The following RER1 variants were observed in gnomAD, a reference collection of about 807,000 sequenced individuals.
RER1 encodes the protein retention in endoplasmic reticulum sorting receptor 1, also known as protein RER1.
In RER1, 6 loss-of-function variants were observed where a neutral mutation model predicts 28.3. The ratio of observed to expected loss-of-function variants is 0.21; its 90% CI spans 0.12 to 0.42. RER1 has a LOEUF of 0.42. Ranked by LOEUF, RER1 falls within the 10% of genes least tolerant of loss-of-function variation. RER1 has a pLI of 1.00. For synonymous variants in RER1, 110 were observed against 95.9 expected, an observed-to-expected ratio of 1.15 and a Z score of -0.86; for missense variants, 159 against 252.9, an observed-to-expected ratio of 0.63 and a Z score of 2.52.
intron 1 of RER1, chr1:2,394,668 A>C (rs1642741228): frequency 6.6e-6 from 1 of 152,324 alleles, no homozygotes; most frequent in Non-Finnish European, 1.5e-5. Flanking sequence ...ACAGATGAGG[A>C]AACTGAGGCT....
chr1:2,401,575 G>A (rs2100408387), intron 5 of RER1, among the ~76,000 whole-genome samples: 1 of 151,394 alleles, frequency 6.6e-6, no homozygotes, highest in Admixed American at 6.6e-5. Flanking sequence ...ACGGGAGCGT[G>A]TGCATCCGTT....
rs1476282361 is a variant in RER1, at chr1:2,404,015, T to C, written c.*891T>C. 6.6e-6 allele frequency: 1 copy of C among 152,250 alleles called. No individual in the cohort carries two copies. The highest frequency in any genetic ancestry group is 1.5e-5 in the Non-Finnish European group (1 of 68,034). The allele number at this position is 152,250 out of a possible 1,614,324, so 9.4% of individuals were successfully genotyped here. ...TTTACTAAAGTCTTTACCTAAAACA[T>C]GGCAGTCGCTGGACACAGGAAAGCC... On this transcript the variant is annotated 3_prime_UTR_variant, in exon 7 of 7. Coordinates refer to ENST00000605895, the MANE Select transcript of RER1 (RefSeq NM_007033.5).
In RER1 at chr1:2,397,170, G is replaced by A. The variant is rs1420146393; in HGVS notation, c.136G>A (p.Val46Met). The change falls in exon 3 of 7, where the codon GTG becomes ATG. Residue 46 changes from valine to methionine, a missense_variant. By Grantham distance (21) the Val-to-Met change is conservative. Transcript: ENST00000605895. ...ACCCTACACGGCTGTGCGATGGGTC[G>A]TGACACTGGGCCTGAGCTTTGTCTA... Reference protein sequence around the residue: ...STPYTAVRWVVTLGLSFVYMI... With the variant: ...STPYTAVRWVMTLGLSFVYMI... 7.4e-6 allele frequency: 12 copies of A among 1,613,942 alleles called. No individual in the cohort carries two copies. The highest frequency in any genetic ancestry group is 2.2e-5 in the South Asian group (2 of 91,090).
rs1476520720 is a variant in RER1 at position 2,401,983 on chromosome 1, C to T, written c.366-224C>T. 8 of 1,471,302 alleles carry T rather than the reference C, an allele frequency of 5.4e-6. No individual in the cohort carries two copies. The East Asian group carries it at 7.4e-5, about 14-fold the overall frequency. 91.1% of individuals were successfully genotyped at this position (1,471,302 alleles called of 1,614,324 possible). A position where few individuals can be genotyped will look rare whatever the true frequency, so the allele number is the denominator to read the frequency against. ...TGTGTAGTTTTAAGAAGAATTGTGT[C>T]TTTCAAGGGAGTAAGAGAAGGATGT... is the stretch of plus-strand genomic sequence containing the variant. On this transcript the variant is annotated intron_variant, in intron 5 of 6. Transcript: ENST00000605895.
intron 1 of RER1, among the ~76,000 whole-genome samples, chr1:2,392,297 C>T (rs1027125897): frequency 2.0e-5 from 3 of 152,134 alleles, no homozygotes; most frequent in African/African-American, 7.2e-5. Flanking sequence ...CTGGGGGAAG[C>T]GGGCAGTCGC....
Position 2,399,892 on chromosome 1 carries a change from C to T in RER1, c.286+378C>T, listed in dbSNP as rs144470895. Among the ~76,000 whole-genome samples, 848 of 152,352 alleles carry T rather than the reference C, an allele frequency of 5.6e-3. 4 individuals are homozygous for T. Among genetic ancestry groups the T allele is most frequent in the African/African-American group, 0.019 (798 of 41,580 alleles). On this transcript the variant is annotated intron_variant, in intron 4 of 6. Coordinates refer to ENST00000605895, the MANE Select transcript of RER1 (RefSeq NM_007033.5). ...GGCAGCCATGACGAGGTTACCTTTT[C>T]CCGTAGCCAGAGGGTTCCACAGGCA...
chr1:2,402,472 A>T, intron 6 of RER1, 130 bp downstream of exon 6: 2 of 1,219,194 alleles, frequency 1.6e-6, no homozygotes, highest in Non-Finnish European at 2.3e-6. Context: ...GCTAAGTGGC[A>T]CCGTCTTGTG....
At chr1:2,400,025 C>A (rs1425923664) in intron 4 of RER1, among the ~76,000 whole-genome samples, 5 of 152,210 alleles carry the variant, frequency 3.3e-5, no homozygotes, top group Non-Finnish European at 7.3e-5. Context: ...CTGAAGTGTT[C>A]CTGGTGCTTC....
chr1:2,402,364 C>T (rs1166072487), intron 6 of RER1, 22 bp downstream of exon 6: 1 of 1,613,754 alleles, frequency 6.2e-7, no homozygotes, highest in South Asian at 1.1e-5. Flanking sequence ...GCGCTGCCGC[C>T]ACGCCGGCCG....
rs762000584 is a variant in RER1 at position 2,395,332 on chromosome 1, C to A, written c.-7-452C>A. 5 of 191,544 alleles carry A rather than the reference C, an allele frequency of 2.6e-5. No individual in the cohort carries two copies. The South Asian group carries it at 5.2e-4, about 20-fold the overall frequency. 11.9% of individuals were successfully genotyped at this position (191,544 alleles called of 1,614,324 possible). ...CTGAGAGGACAGGATCCCTCCTGCT[C>A]CTGCCAGACCAGAGACCCAGGACAG... On this transcript the variant is annotated intron_variant, in intron 1 of 6. Coordinates refer to ENST00000605895, the MANE Select transcript of RER1 (RefSeq NM_007033.5).
chr1:2,400,990 C>CT lies in RER1; in HGVS notation c.365+56dup, dbSNP rs1215513821. ...GAATTGTGCTCAAGGGTGGCTGAGA[C>CT]TGAGACTACACTGATTTTTGTTCAA... On this transcript the variant is annotated intron_variant, in intron 5 of 6. Coordinates refer to ENST00000605895, the MANE Select transcript of RER1 (RefSeq NM_007033.5). The CT allele has an allele frequency of 7.9e-5, 114 of 1,437,646 alleles. 2 individuals are homozygous for CT. The highest frequency in any genetic ancestry group is 4.0e-4 in the South Asian group (35 of 87,686). The allele number at this position is 1,437,646 out of a possible 1,614,324, so 89.1% of individuals were successfully genotyped here. A position where few individuals can be genotyped will look rare whatever the true frequency, so the allele number is the denominator to read the frequency against.
At chr1:2,401,696 A>G (rs1238026155) in intron 5 of RER1, among the ~76,000 whole-genome samples, 5 of 152,096 alleles carry the variant, frequency 3.3e-5, no homozygotes, top group African/African-American at 9.7e-5. Flanking sequence ...TTGACTTTGC[A>G]GCCGCAGATG....
At chr1:2,399,267 T>G (rs1642811556) in intron 3 of RER1, 148 bp from the exon 4 acceptor site, 5 of 655,898 alleles carry the variant, frequency 7.6e-6, no homozygotes, top group African/African-American at 3.6e-5. Flanking sequence ...TTCACTGTAT[T>G]TCCTTGTCCT....
chr1:2,401,006 T>G, intron 5 of RER1, 71 bp downstream of exon 5: 1 of 1,365,554 alleles, frequency 7.3e-7, no homozygotes, highest in Non-Finnish European at 1.0e-6. Flanking sequence ...CTACACTGAT[T>G]TTTGTTCAAG....
At chr1:2,401,032 C>CTGCTG (rs1642837955) in intron 5 of RER1, 97 bp downstream of exon 5, 1 of 1,041,290 alleles carries the variant, frequency 9.6e-7, no homozygotes, top group African/African-American at 1.6e-5. Context: ...TGAAAGATGA[C>CTGCTG]TGCTGTGCTG....
intron 5 of RER1, among the ~76,000 whole-genome samples, chr1:2,401,306 GCCT>G (rs1251382687): frequency 6.2e-5 from 1 of 16,106 alleles, no homozygotes; most frequent in East Asian, 2.1e-3. Context: ...CCTTCCTGCC[GCCT>G]CCTCCCTCCT....
chr1:2,398,383 A>G (rs1343277147), intron 3 of RER1, among the ~76,000 whole-genome samples: 1 of 152,226 alleles, frequency 6.6e-6, no homozygotes, highest in African/African-American at 2.4e-5. Context: ...AAGTTAAAGC[A>G]TTTATATTTT....
intron 5 of RER1, among the ~76,000 whole-genome samples, chr1:2,401,200 CTGTCCTCCCT>C (rs374750322): frequency 0.016 from 2,012 of 129,024 alleles, 266 homozygotes; most frequent in Middle Eastern, 0.024. Flanking sequence ...GGCAGGCCCT[CTGTCCTCCCT>C]CCTCCTCCCT....
chr1:2,393,492 G>C (rs1394031462), intron 1 of RER1, among the ~76,000 whole-genome samples: 1 of 152,198 alleles, frequency 6.6e-6, no homozygotes, highest in Non-Finnish European at 1.5e-5. Context: ...CTGCAGAGGG[G>C]GCAGCTGGTG....
Sources: gnomAD v4.1 joint callset for allele counts (sites outside exome capture counted in the v4.1 genomes callset) on GRCh38, gnomAD v4.1.1 for gene constraint, MANE v1.5 for transcripts, NCBI Gene and HGNC (gene_info 2026-07-23, HGNC 2026-07-21) for gene names.